KRT85: variants seen among roughly 807,000 people sequenced by gnomAD.
KRT85 encodes keratin 85.
A neutral mutation model predicts 53.7 loss-of-function variants in KRT85; 39 were observed. The observed-to-expected ratio is 0.73, with a 90% confidence interval of 0.56 to 0.95. The LOEUF (loss-of-function observed/expected upper bound fraction) is 0.95, where lower values mean the gene tolerates loss of function less well. Ranked by LOEUF, KRT85 falls within the 40% of genes least tolerant of loss-of-function variation. KRT85 has a pLI of 0.00. For missense variants in KRT85, 668 were observed against 686.0 expected (o/e 0.97, Z 0.29); for synonymous variants, 291 against 277.5 (o/e 1.05, Z -0.48).
chr12:52,365,201 G>T, intron 1 of KRT85, 31 bp from the exon 2 acceptor site: 1 of 1,611,080 alleles, frequency 6.2e-7, no homozygotes, highest in East Asian at 2.2e-5. Flanking sequence ...AGAAGTCAGA[G>T]GGAGCCTGGG....
At position 52,366,964 on chromosome 12, in the gene KRT85, G is replaced by T. The variant is rs528846231; in HGVS notation, c.420+22C>A. On this transcript the variant is annotated intron_variant, in intron 1 of 8. Transcript: ENST00000257901. ...GAGGACAGGGCTGGAGGCTTCTCTG[G>T]GCCGTCTCAGGCCTCACCCACCTTG... 24 of 1,613,950 alleles carry T rather than the reference G, an allele frequency of 1.5e-5. No homozygotes were observed. The East Asian group carries it at 5.1e-4, about 34-fold the overall frequency.
chr12:52,366,950 TG>T (rs1939280909), intron 1 of KRT85, 35 bp downstream of exon 1: 1 of 1,613,850 alleles, frequency 6.2e-7, no homozygotes, highest in Non-Finnish European at 8.5e-7. Flanking sequence ...AGGACAGGGC[TG>T]GAGGCTTCTC....
intron 4 of KRT85, 27 bp from the exon 5 acceptor site, chr12:52,363,437 G>C: frequency 1.2e-6 from 2 of 1,613,976 alleles, no homozygotes; most frequent in Non-Finnish European, 1.7e-6. Context: ...CAGTGCATTT[G>C]CTTCTAGTGC....
rs147555049 is a variant in KRT85 at position 52,362,255 on chromosome 12, G to C, written c.1294C>G (p.His432Asp). ...ACAAAGTCCTCTTAGCCCCACCTGT[G>C]TTCCTCGCCCTCCAGCAGGCGCCTG... Reference protein sequence around the residue: ...TYRRLLEGEEHRLCEGVGSVN... With the variant: ...TYRRLLEGEEDRLCEGVGSVN... Residue 432 changes from histidine to aspartate, a missense_variant, in exon 7 of 9, where the codon CAC (histidine) becomes GAC (aspartate). This residue lies in a region of KRT85 where 488 missense variants were observed against 498.1 expected (regional missense o/e 0.98). Transcript: ENST00000257901. The C allele has an allele frequency of 3.8e-5, 62 of 1,613,902 alleles. No homozygotes were observed. In the African/African-American group the frequency reaches 7.3e-4, roughly 19 times the overall value.
intron 1 of KRT85, 55 bp downstream of exon 1, chr12:52,366,931 C>T: frequency 6.2e-7 from 1 of 1,613,870 alleles, no homozygotes; most frequent in Middle Eastern, 1.7e-4. Context: ...ACTGGGACCT[C>T]CCCAAGGGAG....
chr12:52,362,432 G>C lies in KRT85; in HGVS notation c.1117C>G (p.Gln373Glu). Reference sequence around the variant, plus strand: ...GCATCGCTGAGGGCCGCCTCACCCTGCTGCTCTGCCTCAGCCACAGCAGCC... The same window carrying C: ...GCATCGCTGAGGGCCGCCTCACCCTCCTGCTCTGCCTCAGCCACAGCAGCC... ...LEAAVAEAEQQGEAALSDARC... is the reference protein window; with the variant it reads ...LEAAVAEAEQEGEAALSDARC... The change falls in exon 7 of 9, where the codon CAG becomes GAG. Residue 373 changes from glutamine (Q) to glutamate (E), a missense_variant. Around this residue, in one of 3 missense-constraint regions of KRT85, gnomAD observed 488 missense variants for 498.1 expected, o/e 0.98. Transcript: ENST00000257901. 4 of 1,614,160 alleles carry C rather than the reference G, an allele frequency of 2.5e-6. No individual in the cohort carries two copies. Among genetic ancestry groups the C allele is most frequent in the Non-Finnish European group, 3.4e-6 (4 of 1,180,036 alleles).
intron 8 of KRT85, 22 bp downstream of exon 8, chr12:52,361,445 A>G: frequency 6.2e-7 from 1 of 1,612,834 alleles, no homozygotes; most frequent in Non-Finnish European, 8.5e-7. Flanking sequence ...TTTTTCCAGG[A>G]GAATTTCAGG....
chr12:52,364,273 C>T, intron 3 of KRT85, 33 bp downstream of exon 3: 1 of 1,613,968 alleles, frequency 6.2e-7, no homozygotes, highest in African/African-American at 1.3e-5. Flanking sequence ...ACTGATGGGC[C>T]CCCTCCTCCT....
intron 5 of KRT85, 86 bp downstream of exon 5, chr12:52,363,160 C>A: frequency 1.3e-6 from 2 of 1,578,800 alleles, no homozygotes; most frequent in South Asian, 1.1e-5. Context: ...GGGTCAGAAT[C>A]CCCAGGCAAG....
chr12:52,364,157 C>G lies in KRT85; in HGVS notation c.697G>C (p.Asp233His). The G allele has an allele frequency of 6.8e-6, 11 of 1,614,174 alleles. No homozygotes were observed. The highest frequency in any genetic ancestry group is 9.3e-6 in the Non-Finnish European group (11 of 1,180,018). ...NEFVVLKKDV[D>H]CAYLRKSDLE... ...TCTGATTTCCGCAGGTAGGCACAGT[C>G]CACGTCCTGGCCGTGGGACAAAGAG... The change falls in exon 4 of 9, where the codon GAC (aspartate) becomes CAC (histidine). Residue 233 changes from aspartate (D) to histidine (H), a missense_variant. Physicochemically the swap from Asp to His is moderately conservative, Grantham distance 81 (BLOSUM62 -1). Around this residue, in one of 3 missense-constraint regions of KRT85, gnomAD observed 488 missense variants for 498.1 expected, o/e 0.98. Transcript: ENST00000257901.
Position 52,362,362 on chromosome 12 carries a change from T to C in KRT85, c.1187A>G (p.Lys396Arg). The C allele has an allele frequency of 6.2e-7, 1 of 1,614,224 alleles. No individual in the cohort carries two copies. Among genetic ancestry groups the C allele is most frequent in the South Asian group, 1.1e-5 (1 of 91,090 alleles). The part of the protein sequence containing the change: ...AELEGALQKA[K>R]QDMACLLKEY... ...CTTGAGCAGGCAGGCCATGTCCTGC[T>C]TGGCCTTCTGCAGGGCGCCCTCCAG... is the stretch of plus-strand genomic sequence containing the variant. The change falls in exon 7 of 9, where the codon AAG (lysine) becomes AGG (arginine). Residue 396 changes from lysine to arginine, a missense_variant. Physicochemically the swap from Lys to Arg is conservative, Grantham distance 26. Around this residue, in one of 3 missense-constraint regions of KRT85, gnomAD observed 488 missense variants for 498.1 expected, o/e 0.98. Transcript: ENST00000257901.
rs928424706 is a variant in KRT85 at position 52,360,705 on chromosome 12, C to T, written c.*148G>A. The T allele has an allele frequency of 3.3e-5, 30 of 901,742 alleles. No individual in the cohort carries two copies. The highest frequency in any genetic ancestry group is 4.3e-5 in the South Asian group (3 of 69,500). The allele number at this position is 901,742 out of a possible 1,614,324, so 55.9% of individuals were successfully genotyped here. On this transcript the variant is annotated 3_prime_UTR_variant, in exon 9 of 9. Coordinates refer to ENST00000257901, the MANE Select transcript of KRT85 (RefSeq NM_002283.4). ...CATGAAAAGGCGCAGGGGAGCGGCCCGAGGGTCTTTCCCTCTGTAGGTCTT... is the reference window on the plus strand; with the variant it reads ...CATGAAAAGGCGCAGGGGAGCGGCCTGAGGGTCTTTCCCTCTGTAGGTCTT...
chr12:52,361,933 G>A (rs964398920), intron 7 of KRT85, among the ~76,000 whole-genome samples: 1 of 152,168 alleles, frequency 6.6e-6, no homozygotes, highest in Non-Finnish European at 1.5e-5. Flanking sequence ...TGGGAGGCAT[G>A]AGACTTGGGT....
chr12:52,363,558 G>C lies in KRT85; in HGVS notation c.787-148C>G, dbSNP rs947726403. 1.6e-5 allele frequency: 14 copies of C among 858,980 alleles called. 1 individual carries two copies. The highest frequency in any genetic ancestry group is 2.0e-5 in the Admixed American group (1 of 49,870). The allele number at this position is 858,980 out of a possible 1,614,324, so 53.2% of individuals were successfully genotyped here. On this transcript the variant is annotated intron_variant, in intron 4 of 8. Coordinates refer to ENST00000257901, the MANE Select transcript of KRT85 (RefSeq NM_002283.4). The stretch of plus-strand genomic sequence containing the variant: ...TCCTACCACCTTCACTCATGCACAG[G>C]CTCCTTAAAAACAACAAAGCTGAAA...
chr12:52,364,542 G>A, intron 2 of KRT85, 176 bp from the exon 3 acceptor site: 1 of 1,474,118 alleles, frequency 6.8e-7, no homozygotes, highest in Non-Finnish European at 8.9e-7. Context: ...TCCTAGCCTG[G>A]CTTCATTCCG....
chr12:52,365,134 T>C lies in KRT85; in HGVS notation c.457A>G (p.Thr153Ala). 1 of 1,614,234 alleles carries C rather than the reference T, an allele frequency of 6.2e-7. No homozygotes were observed. Among genetic ancestry groups the C allele is most frequent in the Non-Finnish European group, 8.5e-7 (1 of 1,180,048 alleles). ...TGGTTCTGGTAGAACTGCCACTTGG[T>C]CTCCAGCAGCTTGTTCTGCTGCTCC... ...FLEQQNKLLE[T>A]KWQFYQNQRC... Residue 153 changes from threonine to alanine, a missense_variant, in exon 2 of 9, where the codon ACC becomes GCC. This residue lies in a region of KRT85 where 488 missense variants were observed against 498.1 expected (regional missense o/e 0.98). Transcript: ENST00000257901.
Position 52,361,454 on chromosome 12 carries a change from G to T in KRT85, c.1330+13C>A. On this transcript the variant is annotated intron_variant, in intron 8 of 8. Coordinates refer to ENST00000257901, the MANE Select transcript of KRT85 (RefSeq NM_002283.4). The stretch of plus-strand genomic sequence containing the variant: ...AAGCCATTTTTCCAGGAGAATTTCA[G>T]GCAGATACTCACAGACATTCACAGA... The T allele has an allele frequency of 6.2e-7, 1 of 1,613,480 alleles. No individual in the cohort carries two copies. Among genetic ancestry groups the T allele is most frequent in the East Asian group, 2.2e-5 (1 of 44,868 alleles).
Position 52,364,710 on chromosome 12 carries a change from T to G in KRT85, c.629+252A>C, listed in dbSNP as rs538515975. On this transcript the variant is annotated intron_variant, in intron 2 of 8. Coordinates refer to ENST00000257901, the MANE Select transcript of KRT85 (RefSeq NM_002283.4). ...AGGTAAGCTGTGAAGGACAGGGACATAGAGAGTGCTAGAATTCCACTGGAT... is the reference window on the plus strand; with the variant it reads ...AGGTAAGCTGTGAAGGACAGGGACAGAGAGAGTGCTAGAATTCCACTGGAT... 53 of 1,412,664 alleles carry G rather than the reference T, an allele frequency of 3.8e-5. No individual in the cohort carries two copies. The African/African-American group carries it at 7.3e-4, about 20-fold the overall frequency. 87.5% of individuals were successfully genotyped at this position (1,412,664 alleles called of 1,614,324 possible). A position where few individuals can be genotyped will look rare whatever the true frequency, so the allele number is the denominator to read the frequency against.
At chr12:52,363,591 T>C (rs947682956) in intron 4 of KRT85, among the ~76,000 whole-genome samples, 181 bp from the exon 5 acceptor site, 6 of 152,124 alleles carry the variant, frequency 3.9e-5, no homozygotes, top group Admixed American at 3.3e-4. Context: ...AAAGGGGCTG[T>C]AGAGGCCATC....
Sources: allele counts gnomAD v4.1 joint callset (sites outside exome capture counted in the v4.1 genomes callset), GRCh38; gene constraint gnomAD v4.1.1; regional missense constraint gnomAD v4.1.1; transcripts MANE v1.5; gene names NCBI Gene and HGNC (gene_info 2026-07-23, HGNC 2026-07-21).